The following EXT2 variants were observed in gnomAD, a reference collection of about 807,000 sequenced individuals.
The protein encoded by EXT2 is exostosin-2.
Under a neutral mutation model 81.6 loss-of-function variants are expected in EXT2, and 53 were observed. That is an observed-to-expected ratio of 0.65 (90% CI 0.52 to 0.82). The LOEUF (loss-of-function observed/expected upper bound fraction) is 0.82. Among genes scored for constraint, EXT2 ranks in the 40% least tolerant of loss-of-function variants. The pLI is 0.00. For missense variants in EXT2, 774 were observed against 910.2 expected, an observed-to-expected ratio of 0.85 and a Z score of 1.93; for synonymous variants, 320 against 340.0, an observed-to-expected ratio of 0.94 and a Z score of 0.65.
Position 44,109,219 on chromosome 11 carries a change from T to C in EXT2, c.562T>C (p.Leu188=). 1.9e-6 allele frequency: 3 copies of C among 1,614,138 alleles called. No homozygotes were observed. Among genetic ancestry groups the C allele is most frequent in the Non-Finnish European group, 2.5e-6 (3 of 1,180,002 alleles). The change falls in exon 3 of 14, where the codon TTG becomes CTG. Residue 188 remains leucine (L), a synonymous_variant. Coordinates refer to ENST00000533608, the MANE Select transcript of EXT2 (RefSeq NM_207122.2). The part of the protein sequence containing the change: ...SRWDRGTNHL[L]FNMLPGGPPD... ...GTGGGATCGAGGTACGAATCACCTGTTGTTCAACATGTTGCCTGGAGGTCC... is the reference window on the plus strand; with the variant it reads ...GTGGGATCGAGGTACGAATCACCTGCTGTTCAACATGTTGCCTGGAGGTCC...
intron 7 of EXT2, among the ~76,000 whole-genome samples, chr11:44,148,630 A>G (rs1405917218): frequency 6.6e-6 from 1 of 152,226 alleles, no homozygotes; most frequent in African/African-American, 2.4e-5. Flanking sequence ...TAATACAGGT[A>G]AAATACTTAA....
chr11:44,178,529 A>G (rs539324677), intron 8 of EXT2, among the ~76,000 whole-genome samples: 2 of 152,310 alleles, frequency 1.3e-5, no homozygotes, highest in East Asian at 3.9e-4. Flanking sequence ...GCCCTCACTC[A>G]CAAAGGTTGT....
intron 7 of EXT2, among the ~76,000 whole-genome samples, chr11:44,143,034 T>C (rs1346705303): frequency 6.6e-6 from 1 of 152,224 alleles, no homozygotes; most frequent in African/African-American, 2.4e-5. Flanking sequence ...TCACTGCAAC[T>C]TCTGCCTCCC....
At chr11:44,124,031 C>CATAT (rs2135012507) in intron 4 of EXT2, among the ~76,000 whole-genome samples, 1 of 151,968 alleles carries the variant, frequency 6.6e-6, no homozygotes, top group African/African-American at 2.4e-5. Flanking sequence ...TTTGTGTTTC[C>CATAT]ATATCTGTCT....
intron 10 of EXT2, among the ~76,000 whole-genome samples, chr11:44,230,590 CA>C (rs1274333333): frequency 1.3e-5 from 2 of 152,086 alleles, no homozygotes; most frequent in Admixed American, 6.5e-5. Flanking sequence ...TAGACTTGCA[CA>C]GGGGGGAAGA....
At chr11:44,097,228 A>C (rs1953911359) in intron 1 of EXT2, among the ~76,000 whole-genome samples, 1 of 152,244 alleles carries the variant, frequency 6.6e-6, no homozygotes, top group Non-Finnish European at 1.5e-5. Flanking sequence ...GTGCTTAGTA[A>C]GATTTACATA....
In EXT2 at chr11:44,244,273, A is replaced by G. The variant is rs199564714; in HGVS notation, c.2143A>G (p.Ile715Val). The change falls in exon 14 of 14, where the codon ATT (isoleucine) becomes GTT (valine). Residue 715 changes from isoleucine (I) to valine (V), a missense_variant. Ile to Val is a conservative substitution (Grantham distance 29). This residue lies in a region of EXT2 where 148 missense variants were observed against 239.7 expected (regional missense o/e 0.62). Transcript: ENST00000533608. ...TGAGAAGCTGAAGAGCTTCCCCAAC[A>G]TTGGCAGCTTATGAAACGTGTCATT... ...FPEKLKSFPN[I>V]GSL 1.7e-4 allele frequency: 268 copies of G among 1,613,824 alleles called. No homozygotes were observed. Among genetic ancestry groups the G allele is most frequent in the Admixed American group, 2.3e-4 (14 of 59,994 alleles).
chr11:44,175,111 A>G (rs1337595976), intron 8 of EXT2, among the ~76,000 whole-genome samples: 1 of 152,364 alleles, frequency 6.6e-6, no homozygotes, highest in East Asian at 1.9e-4. Context: ...AGAATGGATG[A>G]TGCATGGCAG....
At chr11:44,171,489 C>T in intron 7 of EXT2, 122 bp from the exon 8 acceptor site, 9 of 1,457,546 alleles carry the variant, frequency 6.2e-6, no homozygotes, top group Non-Finnish European at 8.6e-6. Context: ...CCCTAGGCAC[C>T]CCCATCCCTA....
intron 8 of EXT2, among the ~76,000 whole-genome samples, chr11:44,187,034 CTT>C: frequency 6.8e-6 from 1 of 146,414 alleles, no homozygotes; most frequent in Non-Finnish European, 1.5e-5. Context: ...TCCTTCCTTC[CTT>C]CCTTCCTTCC....
intron 9 of EXT2, among the ~76,000 whole-genome samples, chr11:44,198,930 G>A (rs2135187628): frequency 6.6e-6 from 1 of 152,286 alleles, no homozygotes; most frequent in Non-Finnish European, 1.5e-5. Context: ...CATATTTCTG[G>A]CTCTGTTAGG....
chr11:44,140,032 T>G (rs903606823), intron 7 of EXT2, among the ~76,000 whole-genome samples: 1 of 152,168 alleles, frequency 6.6e-6, no homozygotes, highest in Non-Finnish European at 1.5e-5. Flanking sequence ...CGTTGGCCAC[T>G]GGTAGGGGCA....
At position 44,173,908 on chromosome 11, in the gene EXT2, T is replaced by C. The variant is rs143617110; in HGVS notation, c.1305+2166T>C. On this transcript the variant is annotated intron_variant, in intron 8 of 13. Coordinates refer to ENST00000533608, the MANE Select transcript of EXT2 (RefSeq NM_207122.2). ...AACAGTAACAAGGGGCATACTTTCATATGTTTACACATAAATATGTGGACA... is the reference window on the plus strand; with the variant it reads ...AACAGTAACAAGGGGCATACTTTCACATGTTTACACATAAATATGTGGACA... 5.1e-3 allele frequency among the ~76,000 whole-genome samples: 772 copies of C among 152,352 alleles called. 7 individuals carry two copies. Among genetic ancestry groups the C allele is most frequent in the African/African-American group, 0.017 (727 of 41,590 alleles).
chr11:44,163,749 G>C (rs1397305103), intron 7 of EXT2, among the ~76,000 whole-genome samples: 4 of 152,154 alleles, frequency 2.6e-5, no homozygotes. Flanking sequence ...CTCCTCATTT[G>C]CTAAGAGGGA....
intron 1 of EXT2, among the ~76,000 whole-genome samples, chr11:44,106,359 C>T (rs1954054933): frequency 6.6e-6 from 1 of 152,054 alleles, no homozygotes; most frequent in Non-Finnish European, 1.5e-5. Context: ...CCATTCCTTT[C>T]TTCATTTCTT....
chr11:44,224,516 G>T (rs1003781573), intron 10 of EXT2, among the ~76,000 whole-genome samples: 4 of 151,978 alleles, frequency 2.6e-5, no homozygotes, highest in African/African-American at 7.3e-5. Flanking sequence ...AAATAGATGA[G>T]ATATAAATAA....
intron 7 of EXT2, among the ~76,000 whole-genome samples, chr11:44,158,192 A>G (rs1190690859): frequency 6.6e-6 from 1 of 152,180 alleles, no homozygotes; most frequent in African/African-American, 2.4e-5. Context: ...CAGTGACACA[A>G]GCACCCACTT....
At chr11:44,114,370 G>A (rs1954192085) in intron 4 of EXT2, 69 bp downstream of exon 4, 3 of 1,429,496 alleles carry the variant, frequency 2.1e-6, no homozygotes, top group Non-Finnish European at 3.0e-6. Context: ...GGTTTAGTGT[G>A]GTGGGCATCA....
At chr11:44,215,682 T>A (rs1179705984) in intron 10 of EXT2, among the ~76,000 whole-genome samples, 2 of 152,194 alleles carry the variant, frequency 1.3e-5, no homozygotes, top group Non-Finnish European at 2.9e-5. Flanking sequence ...TATTTCTTCT[T>A]TTTTCTGTAG....
Sources: allele counts gnomAD v4.1 joint callset (sites outside exome capture counted in the v4.1 genomes callset), GRCh38; gene constraint gnomAD v4.1.1; regional missense constraint gnomAD v4.1.1; transcripts MANE v1.5; gene names NCBI Gene and HGNC (gene_info 2026-07-23, HGNC 2026-07-21).